Variants in SLC14A2 observed in about 807,000 individuals in gnomAD.
SLC14A2 encodes the protein urea transporter 2.
SLC14A2 carries 91 observed loss-of-function variants against 104.6 expected under a neutral mutation model. That is an observed-to-expected ratio of 0.87 (90% CI 0.73 to 1.04). SLC14A2 has a LOEUF of 1.04. Among genes scored for constraint, SLC14A2 ranks in the 50% least tolerant of loss-of-function variants. SLC14A2 has a pLI of 0.00. For missense variants in SLC14A2, 1,189 were observed against 1,156.0 expected (o/e 1.03, Z -0.41); for synonymous variants, 476 against 466.4 (o/e 1.02, Z -0.27).
intron 1 of SLC14A2, among the ~76,000 whole-genome samples, chr18:45,347,814 G>A (rs545460550): frequency 3.5e-4 from 54 of 152,224 alleles, no homozygotes; most frequent in African/African-American, 1.3e-3. Flanking sequence ...TCCAGAACAG[G>A]CCACTCAGAA....
chr18:45,324,562 C>T (rs540781971), intron 1 of SLC14A2, among the ~76,000 whole-genome samples: 54 of 152,228 alleles, frequency 3.5e-4, no homozygotes, highest in Non-Finnish European at 5.6e-4. Flanking sequence ...CACCCCACCC[C>T]CTGGGGCTGT....
At chr18:45,172,926 T>A in the SLC14A2 span, among the ~76,000 whole-genome samples, 1 of 152,134 alleles carries the variant, frequency 6.6e-6, no homozygotes, top group East Asian at 1.9e-4. Flanking sequence ...TTCTCCTAAT[T>A]TGGAGAAAGT....
At chr18:45,273,013 A>G (rs2084666586) in intron 1 of SLC14A2, among the ~76,000 whole-genome samples, 1 of 152,132 alleles carries the variant, frequency 6.6e-6, no homozygotes, top group African/African-American at 2.4e-5. Flanking sequence ...GCAATTGCAA[A>G]TATCGGAATA....
chr18:45,238,546 A>G (rs2084279321), intron 1 of SLC14A2, among the ~76,000 whole-genome samples: 1 of 151,288 alleles, frequency 6.6e-6, no homozygotes, highest in Non-Finnish European at 1.5e-5. Context: ...GGAAAAGATG[A>G]CCATTATGTA....
intron 1 of SLC14A2, among the ~76,000 whole-genome samples, chr18:45,475,680 T>G (rs1311760694): frequency 9.7e-6 from 1 of 103,090 alleles, no homozygotes; most frequent in Admixed American, 9.7e-5. Context: ...TATATATATA[T>G]ATATATATGA....
chr18:45,179,439 G>C, the SLC14A2 span, among the ~76,000 whole-genome samples: 2 of 152,040 alleles, frequency 1.3e-5, no homozygotes, highest in African/African-American at 4.8e-5. Flanking sequence ...TTTTAGCTCT[G>C]GCAGTTTCTT....
At chr18:45,215,027 T>G (rs1381916337) in intron 1 of SLC14A2, among the ~76,000 whole-genome samples, 1 of 148,054 alleles carries the variant, frequency 6.8e-6, no homozygotes, top group South Asian at 2.2e-4. Context: ...GAGAAGGGAG[T>G]GATTGGTGAG....
chr18:45,169,760 C>A, the SLC14A2 span, among the ~76,000 whole-genome samples: 1,565 of 152,238 alleles, frequency 0.01, 38 homozygotes, highest in African/African-American at 0.036. Flanking sequence ...TAGTCATAGC[C>A]CTTGCTGACT....
chr18:45,639,379 T>A (rs931092335), intron 6 of SLC14A2, among the ~76,000 whole-genome samples: 2 of 152,168 alleles, frequency 1.3e-5, no homozygotes, highest in African/African-American at 4.8e-5. Flanking sequence ...CCTAGAATAT[T>A]TGTATGGATT....
chr18:45,560,224 T>G (rs2044183794), intron 2 of SLC14A2, among the ~76,000 whole-genome samples: 1 of 152,216 alleles, frequency 6.6e-6, no homozygotes, highest in African/African-American at 2.4e-5. Context: ...CATTAAAACC[T>G]TAGCAGACCA....
chr18:45,476,787 G>T (rs1177706368), intron 1 of SLC14A2, among the ~76,000 whole-genome samples: 1 of 146,338 alleles, frequency 6.8e-6, no homozygotes, highest in Non-Finnish European at 1.5e-5. Flanking sequence ...ATTGATACTT[G>T]TGTATGCTTC....
At chr18:45,548,762 A>G (rs1473235402) in intron 2 of SLC14A2, among the ~76,000 whole-genome samples, 1 of 152,140 alleles carries the variant, frequency 6.6e-6, no homozygotes, top group Non-Finnish European at 1.5e-5. Context: ...TCCCTCCCCA[A>G]CTCACTGCCC....
At chr18:45,412,638 G>A (rs529666019) in intron 1 of SLC14A2, among the ~76,000 whole-genome samples, 17 of 152,294 alleles carry the variant, frequency 1.1e-4, no homozygotes, top group African/African-American at 3.6e-4. Context: ...CAGTAAGATA[G>A]ATAAAGTGTA....
At chr18:45,290,742 T>C (rs746178880) in intron 1 of SLC14A2, among the ~76,000 whole-genome samples, 1 of 152,160 alleles carries the variant, frequency 6.6e-6, no homozygotes, top group Admixed American at 6.5e-5. Context: ...TTCGATATGT[T>C]TGGTTAAACA....
chr18:45,524,717 C>T (rs538902619), intron 2 of SLC14A2, among the ~76,000 whole-genome samples: 4 of 152,242 alleles, frequency 2.6e-5, no homozygotes, highest in Non-Finnish European at 4.4e-5. Flanking sequence ...GGACCGTATA[C>T]GAAAACACAC....
intron 13 of SLC14A2, among the ~76,000 whole-genome samples, chr18:45,667,433 G>A (rs933572149): frequency 6.6e-6 from 1 of 152,180 alleles, no homozygotes; most frequent in Non-Finnish European, 1.5e-5. Flanking sequence ...CCATCTGGAT[G>A]GTTCATGGGA....
intron 2 of SLC14A2, among the ~76,000 whole-genome samples, chr18:45,544,576 G>A (rs1314880654): frequency 2.0e-5 from 3 of 151,862 alleles, no homozygotes; most frequent in Non-Finnish European, 2.9e-5. Flanking sequence ...ATACAAAGAA[G>A]CCAAAGAAAA....
intron 1 of SLC14A2, among the ~76,000 whole-genome samples, chr18:45,261,879 T>G (rs1356845545): frequency 6.6e-6 from 1 of 152,248 alleles, no homozygotes; most frequent in Non-Finnish European, 1.5e-5. Context: ...CATGTGCATG[T>G]GTCTTTATAG....
chr18:45,490,514 A>G (rs1030070721), intron 2 of SLC14A2, among the ~76,000 whole-genome samples: 4 of 152,248 alleles, frequency 2.6e-5, no homozygotes, highest in African/African-American at 9.6e-5. Flanking sequence ...AACTATTCAA[A>G]GAATATTCAG....
Sources: gnomAD v4.1 joint callset for allele counts (sites outside exome capture counted in the v4.1 genomes callset) on GRCh38, gnomAD v4.1.1 for gene constraint, MANE v1.5 for transcripts, NCBI Gene and HGNC (gene_info 2026-07-23, HGNC 2026-07-21) for gene names.